The following COLEC10 variants were observed in gnomAD, a reference collection of about 807,000 sequenced individuals.
COLEC10 encodes the protein collectin subfamily member 10, also known as collectin-10.
Under a neutral mutation model 28.4 loss-of-function variants are expected in COLEC10, and 22 were observed. The observed-to-expected ratio is 0.78, with a 90% confidence interval of 0.55 to 1.11. The LOEUF is 1.11. COLEC10 is among the 50% of genes least tolerant of loss of function. COLEC10 has a pLI of 0.00. For missense variants in COLEC10, 361 were observed against 344.1 expected, an observed-to-expected ratio of 1.05 and a Z score of -0.39; for synonymous variants, 125 against 116.1, an observed-to-expected ratio of 1.08 and a Z score of -0.49.
Position 119,069,503 on chromosome 8 carries a change from C to T in COLEC10, c.148+2074C>T, listed in dbSNP as rs1390086447. 8.2e-5 allele frequency among the ~76,000 whole-genome samples: 12 copies of T among 145,606 alleles called. No homozygotes were observed. The South Asian group carries it at 2.5e-3, about 30-fold the overall frequency. ...ACACCTGTAGTCCCAGTTACTTGGA[C>T]GTCTGAGGCAGGAGAATTGCTTAAG... On this transcript the variant is annotated intron_variant, in intron 1 of 5. Coordinates refer to ENST00000332843, the MANE Select transcript of COLEC10 (RefSeq NM_006438.5).
upstream of COLEC10, among the ~76,000 whole-genome samples, chr8:118,993,862 G>A (rs1563710334): frequency 6.6e-6 from 1 of 152,104 alleles, no homozygotes; most frequent in Non-Finnish European, 1.5e-5. Context: ...CACTATAATA[G>A]GGGTTTATAG....
chr8:119,083,358 C>T (rs1815404874), intron 1 of COLEC10, among the ~76,000 whole-genome samples: 1 of 152,156 alleles, frequency 6.6e-6, no homozygotes, highest in South Asian at 2.1e-4. Context: ...TAAATAAAAT[C>T]CTCAAAATGA....
chr8:119,030,455 G>T (rs1299980368), intron 2 of COLEC10, among the ~76,000 whole-genome samples: 1 of 152,142 alleles, frequency 6.6e-6, no homozygotes, highest in African/African-American at 2.4e-5. Context: ...CTTGAGGTCA[G>T]GAGTTCAAGA....
chr8:118,963,967 C>T, the COLEC10 span, among the ~76,000 whole-genome samples: 1 of 152,054 alleles, frequency 6.6e-6, no homozygotes, highest in South Asian at 2.1e-4. Flanking sequence ...AACAGAAAGA[C>T]AAATGAATGC....
chr8:119,046,784 G>A (rs1397426675), intron 2 of COLEC10, among the ~76,000 whole-genome samples: 2 of 152,098 alleles, frequency 1.3e-5, no homozygotes, highest in Non-Finnish European at 2.9e-5. Flanking sequence ...TTGTGTATCT[G>A]CTTGCACACA....
intron 2 of COLEC10, among the ~76,000 whole-genome samples, chr8:119,027,404 T>G (rs910626836): frequency 6.6e-6 from 1 of 152,294 alleles, no homozygotes; most frequent in Admixed American, 6.5e-5. Flanking sequence ...GATCCTTGTA[T>G]GCTGTCATCT....
chr8:119,044,999 G>A (rs951479835), intron 2 of COLEC10, among the ~76,000 whole-genome samples: 8 of 152,166 alleles, frequency 5.3e-5, no homozygotes, highest in African/African-American at 1.9e-4. Flanking sequence ...TTTCTTTCCA[G>A]TTCTAATTTT....
intron 2 of COLEC10, among the ~76,000 whole-genome samples, chr8:119,022,495 A>G (rs191133140): frequency 7.2e-5 from 11 of 152,288 alleles, no homozygotes; most frequent in Admixed American, 6.5e-4. Flanking sequence ...AGGAGAGCTA[A>G]TCATTTTTGT....
At chr8:119,027,958 T>G (rs1355107311) in intron 2 of COLEC10, among the ~76,000 whole-genome samples, 1 of 152,230 alleles carries the variant, frequency 6.6e-6, no homozygotes, top group Non-Finnish European at 1.5e-5. Context: ...TGTAGTAGCC[T>G]TATTGCCTAA....
chr8:119,077,695 T>C (rs1815278635), intron 1 of COLEC10, among the ~76,000 whole-genome samples: 1 of 152,214 alleles, frequency 6.6e-6, no homozygotes, highest in Non-Finnish European at 1.5e-5. Flanking sequence ...AGGAACTAAC[T>C]AAGTGTTATC....
rs150157039 is a variant in COLEC10, at chr8:119,089,461, A to T, written c.149-219A>T. The stretch of plus-strand genomic sequence containing the variant: ...CAGCAACAAGAATATTTCTTCAAAC[A>T]TAGAGTTGGATGTGGAGAAAAGTAA... On this transcript the variant is annotated intron_variant, in intron 1 of 5. Coordinates refer to ENST00000332843, the MANE Select transcript of COLEC10 (RefSeq NM_006438.5). Among the ~76,000 whole-genome samples the T allele has an allele frequency of 3.1e-3, 478 of 152,312 alleles. 1 individual carries two copies. Among genetic ancestry groups the T allele is most frequent in the African/African-American group, 0.011 (466 of 41,576 alleles).
chr8:118,972,110 G>A, the COLEC10 span, among the ~76,000 whole-genome samples: 1 of 151,868 alleles, frequency 6.6e-6, no homozygotes, highest in Non-Finnish European at 1.5e-5. Flanking sequence ...CTAGCACCTA[G>A]TGTGATTTGA....
intron 1 of COLEC10, chr8:119,068,653 C>T (rs978477367): frequency 1.3e-5 from 2 of 152,126 alleles, no homozygotes; most frequent in Admixed American, 6.5e-5. Flanking sequence ...TAATAGAAAA[C>T]TTCTCCCTTC....
the COLEC10 span, among the ~76,000 whole-genome samples, chr8:118,969,110 A>G: frequency 6.6e-6 from 1 of 152,030 alleles, no homozygotes; most frequent in Admixed American, 6.6e-5. Flanking sequence ...ATCAGTCACT[A>G]GAAGGAATTG....
chr8:119,079,158 C>T (rs1815318333), intron 1 of COLEC10, among the ~76,000 whole-genome samples: 1 of 152,060 alleles, frequency 6.6e-6, no homozygotes, highest in South Asian at 2.1e-4. Context: ...TTCCTCATGG[C>T]CCCTTGGATG....
chr8:118,962,646 A>T, the COLEC10 span, among the ~76,000 whole-genome samples: 8 of 152,268 alleles, frequency 5.3e-5, no homozygotes, highest in African/African-American at 1.7e-4. Flanking sequence ...CTCTTAAAAA[A>T]TTTTGAGCTT....
At chr8:119,029,994 A>G (rs893808597) in intron 2 of COLEC10, among the ~76,000 whole-genome samples, 2 of 152,210 alleles carry the variant, frequency 1.3e-5, no homozygotes, top group Non-Finnish European at 2.9e-5. Flanking sequence ...GAATAGGGAT[A>G]GAGTAGGAAA....
the COLEC10 span, among the ~76,000 whole-genome samples, chr8:118,984,439 AG>A: frequency 6.6e-6 from 1 of 152,232 alleles, no homozygotes; most frequent in Admixed American, 6.5e-5. Flanking sequence ...CCATGACATG[AG>A]TTTACCTACA....
chr8:118,982,891 G>C, the COLEC10 span: 1 of 152,222 alleles, frequency 6.6e-6, no homozygotes, highest in South Asian at 2.1e-4. Flanking sequence ...TGGTGAGTAA[G>C]AGGTGGAGCT....
Sources: allele counts gnomAD v4.1 joint callset (sites outside exome capture counted in the v4.1 genomes callset), GRCh38; gene constraint gnomAD v4.1.1; transcripts MANE v1.5; gene names NCBI Gene and HGNC (gene_info 2026-07-23, HGNC 2026-07-21).